Variants in LSAMP observed in about 807,000 individuals in gnomAD.
LSAMP encodes the protein limbic system-associated membrane protein.
Under a neutral mutation model 38.6 loss-of-function variants are expected in LSAMP, and 7 were observed. The observed-to-expected ratio is 0.18, with a 90% CI of 0.10 to 0.34. The LOEUF (loss-of-function observed/expected upper bound fraction) is 0.34. LSAMP is among the 10% of genes least tolerant of loss of function. The pLI is 1.00. For missense variants in LSAMP, 313 were observed against 420.0 expected (o/e 0.75, Z 2.23); for synonymous variants, 154 against 166.8 (o/e 0.92, Z 0.59).
chr3:116,207,763 C>T (rs2046090923), intron 1 of LSAMP, among the ~76,000 whole-genome samples: 2 of 151,948 alleles, frequency 1.3e-5, no homozygotes, highest in Non-Finnish European at 1.5e-5. Context: ...AGGGTTTCTG[C>T]CGAGAGATCA....
At chr3:115,902,614 A>G (rs1333899140) in intron 3 of LSAMP, among the ~76,000 whole-genome samples, 1 of 152,200 alleles carries the variant, frequency 6.6e-6, no homozygotes, top group Non-Finnish European at 1.5e-5. Context: ...TTTAATATCC[A>G]GCATCTATAA....
intron 3 of LSAMP, among the ~76,000 whole-genome samples, chr3:115,878,808 A>G (rs1419238211): frequency 6.6e-6 from 1 of 151,998 alleles, no homozygotes; most frequent in Non-Finnish European, 1.5e-5. Flanking sequence ...AACAACAACA[A>G]TGGTGGCCCA....
At chr3:116,015,277 AC>A (rs2107681305) in intron 3 of LSAMP, among the ~76,000 whole-genome samples, 2 of 152,198 alleles carry the variant, frequency 1.3e-5, no homozygotes, top group East Asian at 1.9e-4. Context: ...ACGCATAGAA[AC>A]TCTTTCTGTG....
chr3:116,440,455 G>A (rs766359871), intron 1 of LSAMP, among the ~76,000 whole-genome samples: 9 of 152,112 alleles, frequency 5.9e-5, no homozygotes, highest in Admixed American at 1.3e-4. Flanking sequence ...CTACAAATAC[G>A]TCATTCTAAG....
At chr3:115,909,102 C>A (rs541700896) in intron 3 of LSAMP, among the ~76,000 whole-genome samples, 1 of 152,128 alleles carries the variant, frequency 6.6e-6, no homozygotes, top group Non-Finnish European at 1.5e-5. Flanking sequence ...AATGCCCGTC[C>A]GGTTCAATAT....
At chr3:116,110,794 C>T (rs1343975685) in intron 1 of LSAMP, among the ~76,000 whole-genome samples, 1 of 152,118 alleles carries the variant, frequency 6.6e-6, no homozygotes, top group Non-Finnish European at 1.5e-5. Context: ...AGTCATGGCA[C>T]CAAATTTCAT....
chr3:115,980,139 G>A lies in LSAMP; in HGVS notation c.514+39376C>T, dbSNP rs149249292. 4.3e-3 allele frequency among the ~76,000 whole-genome samples: 649 copies of A among 152,154 alleles called. 2 individuals are homozygous for A. Among genetic ancestry groups the A allele is most frequent in the African/African-American group, 0.015 (625 of 41,538 alleles). Reference sequence around the variant, plus strand: ...CTGAGAGTTTAACCTAGAATTGGAAGAAGATATTTTAACATTCATGAAGTA... The same window carrying A: ...CTGAGAGTTTAACCTAGAATTGGAAAAAGATATTTTAACATTCATGAAGTA... On this transcript the variant is annotated intron_variant, in intron 3 of 6. Coordinates refer to ENST00000490035, the MANE Select transcript of LSAMP (RefSeq NM_002338.5).
At chr3:116,327,003 A>C (rs2047782336) in intron 1 of LSAMP, among the ~76,000 whole-genome samples, 1 of 152,188 alleles carries the variant, frequency 6.6e-6, no homozygotes, top group African/African-American at 2.4e-5. Context: ...ACCATAGCTG[A>C]GAGGAGCTTG....
intron 3 of LSAMP, among the ~76,000 whole-genome samples, chr3:116,007,822 A>G (rs1940205560): frequency 6.6e-6 from 1 of 152,116 alleles, no homozygotes; most frequent in African/African-American, 2.4e-5. Context: ...GGGGTTCTGT[A>G]AGTTTACTTT....
intron 1 of LSAMP, among the ~76,000 whole-genome samples, chr3:116,087,188 T>G (rs536279529): frequency 1.3e-5 from 2 of 152,298 alleles, no homozygotes; most frequent in Admixed American, 1.3e-4. Flanking sequence ...GGCAGAAGCT[T>G]GTTTGGTGGC....
intron 1 of LSAMP, among the ~76,000 whole-genome samples, chr3:116,366,034 A>G (rs2048348252): frequency 6.8e-6 from 1 of 146,168 alleles, no homozygotes; most frequent in Admixed American, 6.8e-5. Context: ...AAAAAAAAAA[A>G]AAAAAGAACT....
rs115171862 is a variant in LSAMP at position 116,077,572 on chromosome 3, A to G, written c.388+8752T>C. Among the ~76,000 whole-genome samples, 386 of 152,230 alleles carry G rather than the reference A, an allele frequency of 2.5e-3. 1 individual carries two copies. The highest frequency in any genetic ancestry group is 8.9e-3 in the African/African-American group (371 of 41,546). ...ACTTTATTCACAGGTTTTAATCTTAATATCTGCCTTAAGTATTATTGCCTT... is the reference window on the plus strand; with the variant it reads ...ACTTTATTCACAGGTTTTAATCTTAGTATCTGCCTTAAGTATTATTGCCTT... On this transcript the variant is annotated intron_variant, in intron 2 of 6. Transcript: ENST00000490035.
In LSAMP at chr3:116,015,800, C is replaced by A. The variant is rs140595750; in HGVS notation, c.514+3715G>T. On this transcript the variant is annotated intron_variant, in intron 3 of 6. Transcript: ENST00000490035. ...TAAATTAAGAGGTAATAAATATTGT[C>A]TTCCTAAAAATATACCATGCATATT... Among the ~76,000 whole-genome samples the A allele has an allele frequency of 1.3e-4, 20 of 152,218 alleles. 1 individual carries two copies. The East Asian group carries it at 3.9e-3, about 29-fold the overall frequency.
At chr3:115,992,159 T>G (rs900947244) in intron 3 of LSAMP, among the ~76,000 whole-genome samples, 1 of 152,092 alleles carries the variant, frequency 6.6e-6, no homozygotes, top group African/African-American at 2.4e-5. Context: ...AATAATACTT[T>G]GGATTGTTAT....
In LSAMP at chr3:116,063,723, G is replaced by A. The variant is rs545050911; in HGVS notation, c.388+22601C>T. ...ATTATTATGAAATAAAAATAAACTA[G>A]GAAATAAAACATTTTAAAATAATGA... On this transcript the variant is annotated intron_variant, in intron 2 of 6. Coordinates refer to ENST00000490035, the MANE Select transcript of LSAMP (RefSeq NM_002338.5). Among the ~76,000 whole-genome samples, 15 of 151,836 alleles carry A rather than the reference G, an allele frequency of 9.9e-5. No homozygotes were observed. The South Asian group carries it at 3.1e-3, about 32-fold the overall frequency.
intron 1 of LSAMP, among the ~76,000 whole-genome samples, chr3:116,292,600 T>G (rs1484109246): frequency 6.6e-6 from 1 of 152,182 alleles, no homozygotes; most frequent in Admixed American, 6.5e-5. Context: ...TTATAATTTG[T>G]GGCGGGCTTT....
intron 2 of LSAMP, among the ~76,000 whole-genome samples, chr3:116,041,820 A>AAAAC (rs1941180783): frequency 1.4e-5 from 2 of 146,594 alleles, no homozygotes; most frequent in African/African-American, 5.2e-5. Context: ...ACAAAACAAA[A>AAAAC]AAAAAACACC....
At chr3:116,409,582 C>T (rs923422563) in intron 1 of LSAMP, among the ~76,000 whole-genome samples, 1 of 151,968 alleles carries the variant, frequency 6.6e-6, no homozygotes, top group Admixed American at 6.6e-5. Flanking sequence ...AGCCATAGAT[C>T]CATCGTAATG....
At chr3:116,365,347 A>G (rs1268388737) in intron 1 of LSAMP, among the ~76,000 whole-genome samples, 1 of 63,174 alleles carries the variant, frequency 1.6e-5, no homozygotes, top group Non-Finnish European at 3.1e-5. Flanking sequence ...GGCAATCATT[A>G]AAAAGTCAGG....
Sources: gnomAD v4.1 joint callset for allele counts (sites outside exome capture counted in the v4.1 genomes callset) on GRCh38, gnomAD v4.1.1 for gene constraint, MANE v1.5 for transcripts, NCBI Gene and HGNC (gene_info 2026-07-23, HGNC 2026-07-21) for gene names.